Variants in MEF2C observed in about 807,000 individuals in gnomAD.
MEF2C encodes the protein myocyte-specific enhancer factor 2C.
MEF2C carries 6 observed loss-of-function variants against 50.5 expected under a neutral mutation model. That is an observed-to-expected ratio of 0.12 (90% CI 0.07 to 0.23). The LOEUF is 0.23. Among genes scored for constraint, MEF2C ranks in the 10% least tolerant of loss-of-function variants. MEF2C has a pLI of 1.00. For synonymous variants in MEF2C, 183 were observed against 228.0 expected, an observed-to-expected ratio of 0.80 and a Z score of 1.78; for missense variants, 276 against 605.0, an observed-to-expected ratio of 0.46 and a Z score of 5.70.
chr5:88,861,262 T>C (rs1270020137), intron 1 of MEF2C, among the ~76,000 whole-genome samples: 1 of 152,218 alleles, frequency 6.6e-6, no homozygotes, highest in Non-Finnish European at 1.5e-5. Flanking sequence ...CTTCAAACAC[T>C]TTTTAAAAAC....
Position 88,761,357 on chromosome 5 carries a change from C to T in MEF2C, c.259-29G>A, listed in dbSNP as rs147027589. The T allele has an allele frequency of 2.4e-3, 3,800 of 1,600,532 alleles. 27 individuals carry two copies. The Middle Eastern group carries it at 0.035, about 15-fold the overall frequency. On this transcript the variant is annotated intron_variant, in intron 3 of 10. Coordinates refer to ENST00000504921, the MANE Select transcript of MEF2C (RefSeq NM_002397.5). ...AAATACATAATTTGGAAAGTTCAAACCTAGACAAAGGCTGTAAGAGACATT... is the reference window on the plus strand; with the variant it reads ...AAATACATAATTTGGAAAGTTCAAATCTAGACAAAGGCTGTAAGAGACATT...
chr5:88,728,370 T>G, intron 10 of MEF2C, 123 bp downstream of exon 10: 1 of 800,644 alleles, frequency 1.2e-6, no homozygotes, highest in Non-Finnish European at 1.7e-6. Context: ...AAAATTACAC[T>G]TGGATTTCAA....
At chr5:88,740,686 A>T in intron 6 of MEF2C, 1 of 985,336 alleles carries the variant, frequency 1.0e-6, no homozygotes, top group Non-Finnish European at 1.2e-6. Context: ...ACAAAAAAAA[A>T]AAAAACCCAA....
At chr5:88,779,265 G>A (rs567173716) in intron 3 of MEF2C, among the ~76,000 whole-genome samples, 1 of 152,130 alleles carries the variant, frequency 6.6e-6, no homozygotes, top group East Asian at 1.9e-4. Context: ...AAGATGAGGG[G>A]AAACAGTACC....
intron 3 of MEF2C, among the ~76,000 whole-genome samples, chr5:88,777,902 T>TC (rs1173402574): frequency 7.6e-6 from 1 of 131,394 alleles, no homozygotes; most frequent in African/African-American, 2.9e-5. Flanking sequence ...TTCTTTTCTT[T>TC]TTTTTTTTTT....
chr5:88,747,591 C>T (rs541876370), intron 6 of MEF2C, among the ~76,000 whole-genome samples: 1,053 of 44,954 alleles, frequency 0.023, 275 homozygotes, highest in African/African-American at 0.038. Flanking sequence ...CCTCGTGATC[C>T]GCCCGCCTCG....
At chr5:88,816,639 T>C (rs1189207177) in intron 2 of MEF2C, among the ~76,000 whole-genome samples, 3 of 151,980 alleles carry the variant, frequency 2.0e-5, no homozygotes, top group Admixed American at 2.0e-4. Flanking sequence ...TTAACTTATA[T>C]GCATGAGGAG....
At chr5:88,805,960 T>C (rs777745302) in intron 2 of MEF2C, among the ~76,000 whole-genome samples, 1 of 146,142 alleles carries the variant, frequency 6.8e-6, no homozygotes, top group African/African-American at 2.5e-5. Flanking sequence ...TCCTATAAAA[T>C]ACTCCTTAAG....
chr5:88,781,673 A>G (rs554268874), intron 3 of MEF2C, among the ~76,000 whole-genome samples: 3 of 152,318 alleles, frequency 2.0e-5, no homozygotes, highest in East Asian at 1.9e-4. Flanking sequence ...GGTGATCATT[A>G]AAAGTGCACA....
intron 1 of MEF2C, among the ~76,000 whole-genome samples, chr5:88,902,548 G>A (rs1173421459): frequency 1.3e-5 from 2 of 149,366 alleles, no homozygotes; most frequent in Non-Finnish European, 3.0e-5. Flanking sequence ...AATTACAACA[G>A]TTTAAAAGAG....
chr5:88,741,087 T>C (rs1766522788), intron 6 of MEF2C: 6 of 985,404 alleles, frequency 6.1e-6, no homozygotes, highest in Non-Finnish European at 6.0e-6. Flanking sequence ...CACATTCTGC[T>C]TCAGATTTAT....
At chr5:88,820,961 T>C (rs1030181916) in intron 2 of MEF2C, among the ~76,000 whole-genome samples, 1 of 151,934 alleles carries the variant, frequency 6.6e-6, no homozygotes, top group African/African-American at 2.4e-5. Context: ...TATTAAAACA[T>C]GGTGGATTTC....
At position 88,774,794 on chromosome 5, in the gene MEF2C, G is replaced by T. The variant is rs539161680; in HGVS notation, c.259-13466C>A. 2.0e-5 allele frequency among the ~76,000 whole-genome samples: 3 copies of T among 152,308 alleles called. No homozygotes were observed. In the South Asian group the frequency reaches 6.2e-4, roughly 32 times the overall value. ...TAGGACTGTTTGATAAGAGCTTCAG[G>T]TGCTTAAAAATAAATGTGCTTCAAA... On this transcript the variant is annotated intron_variant, in intron 3 of 10. Transcript: ENST00000504921.
chr5:88,770,594 C>G (rs1435187964), intron 3 of MEF2C, among the ~76,000 whole-genome samples: 1 of 152,176 alleles, frequency 6.6e-6, no homozygotes, highest in Admixed American at 6.5e-5. Context: ...CCCCTTCATC[C>G]ATTTCTCTCC....
At chr5:88,796,795 T>C (rs1290771529) in intron 3 of MEF2C, among the ~76,000 whole-genome samples, 1 of 152,160 alleles carries the variant, frequency 6.6e-6, no homozygotes, top group Non-Finnish European at 1.5e-5. Flanking sequence ...ACTGCTTTAG[T>C]TGTGTCTCTG....
At chr5:88,773,571 G>T (rs1047213219) in intron 3 of MEF2C, among the ~76,000 whole-genome samples, 25 of 152,206 alleles carry the variant, frequency 1.6e-4, no homozygotes, top group Non-Finnish European at 7.3e-5. Flanking sequence ...GAAGTCTCCT[G>T]ACGACTTTCC....
intron 6 of MEF2C, chr5:88,739,134 T>C (rs1765356698): frequency 2.0e-6 from 2 of 985,312 alleles, no homozygotes; most frequent in Non-Finnish European, 2.4e-6. Flanking sequence ...CAGTATTTTT[T>C]AGTATCTGCG....
chr5:88,838,389 C>A, intron 1 of MEF2C: 1 of 204,940 alleles, frequency 4.9e-6, no homozygotes, highest in Non-Finnish European at 8.3e-6. Flanking sequence ...TTTTTTTTTT[C>A]TACTTTCTAC....
chr5:88,781,042 G>T lies in MEF2C; in HGVS notation c.259-19714C>A, dbSNP rs940078000. The T allele has an allele frequency of 1.4e-5, 8 of 579,128 alleles. No homozygotes were observed. The African/African-American group carries it at 1.6e-4, about 12-fold the overall frequency. The allele number at this position is 579,128 out of a possible 1,614,324, so 35.9% of individuals were successfully genotyped here. On this transcript the variant is annotated intron_variant, in intron 3 of 10. Coordinates refer to ENST00000504921, the MANE Select transcript of MEF2C (RefSeq NM_002397.5). ...TTTTTTTTTCTTTTAACTCTATTTT[G>T]ACTGGACTTAATAGAATTACTTTTG... is the stretch of plus-strand genomic sequence containing the variant.
Sources: gnomAD v4.1 joint callset for allele counts (sites outside exome capture counted in the v4.1 genomes callset) on GRCh38, gnomAD v4.1.1 for gene constraint, MANE v1.5 for transcripts, NCBI Gene and HGNC (gene_info 2026-07-23, HGNC 2026-07-21) for gene names.